The following PARD3B variants were observed in gnomAD, a reference collection of about 807,000 sequenced individuals.
PARD3B encodes par-3 family cell polarity regulator beta, also known as partitioning defective 3 homolog B.
Under a neutral mutation model 130.2 loss-of-function variants are expected in PARD3B, and 103 were observed. That is an observed-to-expected ratio of 0.79 (90% CI 0.67 to 0.93). PARD3B has a LOEUF of 0.93. PARD3B is among the 40% of genes least tolerant of loss of function. PARD3B has a pLI of 0.00. For synonymous variants in PARD3B, 583 were observed against 553.2 expected (o/e 1.05, Z -0.76); for missense variants, 1,609 against 1,499.2 (o/e 1.07, Z -1.21).
chr2:204,778,221 GT>G (rs1320785979), intron 2 of PARD3B, among the ~76,000 whole-genome samples: 3 of 151,478 alleles, frequency 2.0e-5, no homozygotes, highest in Non-Finnish European at 4.4e-5. Flanking sequence ...GAAATTCAGA[GT>G]TTTGCAAAAC....
At chr2:205,384,360 G>A (rs868755557) in intron 18 of PARD3B, among the ~76,000 whole-genome samples, 2 of 152,120 alleles carry the variant, frequency 1.3e-5, no homozygotes, top group Non-Finnish European at 2.9e-5. Flanking sequence ...AAAAGGGGAA[G>A]CACAGGCTGT....
intron 3 of PARD3B, among the ~76,000 whole-genome samples, chr2:204,980,564 GATT>G (rs1283753857): frequency 2.0e-5 from 3 of 152,168 alleles, no homozygotes; most frequent in African/African-American, 7.2e-5. Flanking sequence ...AAGTGATCAA[GATT>G]ATTATCTCCA....
chr2:205,499,589 G>T (rs1426717609), intron 20 of PARD3B, among the ~76,000 whole-genome samples: 1 of 152,146 alleles, frequency 6.6e-6, no homozygotes, highest in African/African-American at 2.4e-5. Flanking sequence ...CTCTGTGTGT[G>T]TGATTATAAG....
chr2:204,792,670 T>C (rs1323829924), intron 2 of PARD3B, among the ~76,000 whole-genome samples: 1 of 152,084 alleles, frequency 6.6e-6, no homozygotes, highest in Non-Finnish European at 1.5e-5. Flanking sequence ...CCACACCAAA[T>C]ACATGTACTT....
intron 20 of PARD3B, among the ~76,000 whole-genome samples, chr2:205,479,815 TATG>T (rs1431427346): frequency 1.3e-5 from 2 of 152,136 alleles, no homozygotes; most frequent in African/African-American, 4.8e-5. Context: ...GTAAAGCCCA[TATG>T]ATCTCAGTTT....
Position 205,382,961 on chromosome 2 carries a change from C to T in PARD3B, c.2631-18052C>T, listed in dbSNP as rs566947339. 5.3e-5 allele frequency among the ~76,000 whole-genome samples: 8 copies of T among 152,050 alleles called. No homozygotes were observed. In the East Asian group the frequency reaches 1.5e-3, roughly 29 times the overall value. ...TTCCCCGCCACAGCCCAGGAATGAA[C>T]CACTTCTCCGAGGAAGTCTGGCTCC... On this transcript the variant is annotated intron_variant, in intron 18 of 22. Coordinates refer to ENST00000406610, the MANE Select transcript of PARD3B (RefSeq NM_001302769.2).
intron 22 of PARD3B, among the ~76,000 whole-genome samples, chr2:205,566,225 T>C (rs142164047): frequency 4.0e-5 from 6 of 151,838 alleles, no homozygotes; most frequent in Non-Finnish European, 7.4e-5. Flanking sequence ...CTTTGCGGGG[T>C]TTTAAGCAGA....
chr2:205,477,154 T>C (rs151012312), intron 20 of PARD3B, among the ~76,000 whole-genome samples: 254 of 152,330 alleles, frequency 1.7e-3, no homozygotes, highest in African/African-American at 5.7e-3. Flanking sequence ...CGTTTCCTTT[T>C]GCACTTCAAC....
intron 18 of PARD3B, among the ~76,000 whole-genome samples, chr2:205,354,870 G>A (rs909538397): frequency 6.6e-6 from 1 of 152,104 alleles, no homozygotes; most frequent in Non-Finnish European, 1.5e-5. Context: ...TAATCTCCTG[G>A]GACAGAATGG....
chr2:204,948,891 C>CT (rs897324521), intron 2 of PARD3B, among the ~76,000 whole-genome samples: 1 of 151,940 alleles, frequency 6.6e-6, no homozygotes, highest in East Asian at 1.9e-4. Flanking sequence ...CTTCCCAAGT[C>CT]TTTTTTTTCC....
At chr2:204,685,834 G>A (rs1023188760) in intron 1 of PARD3B, among the ~76,000 whole-genome samples, 1 of 152,074 alleles carries the variant, frequency 6.6e-6, no homozygotes, top group Non-Finnish European at 1.5e-5. Flanking sequence ...GTTTCAGAAA[G>A]TACCCTCAAG....
chr2:205,158,098 G>A lies in PARD3B; in HGVS notation c.1435-624G>A, dbSNP rs887740533. Among the ~76,000 whole-genome samples, 1 of 152,128 alleles carries A rather than the reference G, an allele frequency of 6.6e-6. No individual in the cohort carries two copies. The highest frequency in any genetic ancestry group is 1.5e-5 in the Non-Finnish European group (1 of 68,038). ...GTGAGTTATACTACCTGAAGATGCA[G>A]GCTGAAAGCATGAGTTTTGACAAAG... On this transcript the variant is annotated intron_variant, in intron 10 of 22. Transcript: ENST00000406610. The surrounding 1 kb of genome is among the most constrained non-coding windows in gnomAD (Gnocchi z 5.4).
At chr2:205,383,121 T>TAGATAGAG (rs1553500396) in intron 18 of PARD3B, among the ~76,000 whole-genome samples, 11 of 150,744 alleles carry the variant, frequency 7.3e-5, no homozygotes, top group South Asian at 2.1e-4. Flanking sequence ...GATAGATAGA[T>TAGATAGAG]AGATAGATAG....
At chr2:204,663,019 T>C (rs2035881194) in intron 1 of PARD3B, among the ~76,000 whole-genome samples, 1 of 152,210 alleles carries the variant, frequency 6.6e-6, no homozygotes. Context: ...AGTGGGGCTA[T>C]GCTACCTTTC....
intron 18 of PARD3B, among the ~76,000 whole-genome samples, chr2:205,345,539 C>G (rs2105824681): frequency 6.6e-6 from 1 of 152,064 alleles, no homozygotes; most frequent in East Asian, 2.0e-4. Flanking sequence ...TTTGAGGTAG[C>G]ATGTCCTGAA....
At chr2:205,445,230 A>C (rs898567053) in intron 20 of PARD3B, among the ~76,000 whole-genome samples, 3 of 152,200 alleles carry the variant, frequency 2.0e-5, no homozygotes, top group African/African-American at 4.8e-5. Context: ...TGTGTTCTAC[A>C]GTCTTCTTTT....
intron 18 of PARD3B, among the ~76,000 whole-genome samples, chr2:205,365,505 C>T (rs2044572618): frequency 6.7e-6 from 1 of 150,288 alleles, no homozygotes; most frequent in South Asian, 2.1e-4. Context: ...CCCTTTCTCT[C>T]TGCCCTCCAA....
At position 205,575,560 on chromosome 2, in the gene PARD3B, A is replaced by G. The variant is rs1450249209; in HGVS notation, c.3260+22157A>G. ...CCACTCCACACCATTACCCCTAGCT[A>G]CTATTGATCTTTTTGCTGTCTTCAT... On this transcript the variant is annotated intron_variant, in intron 22 of 22. Coordinates refer to ENST00000406610, the MANE Select transcript of PARD3B (RefSeq NM_001302769.2). This position sits in a 1 kb window ranked among gnomAD's most constrained non-coding sequence, Gnocchi z 4.6. Among the ~76,000 whole-genome samples the G allele has an allele frequency of 1.3e-5, 2 of 152,022 alleles. No homozygotes were observed. The highest frequency in any genetic ancestry group is 2.9e-5 in the Non-Finnish European group (2 of 68,012).
chr2:205,138,742 G>C (rs990427290), intron 10 of PARD3B, among the ~76,000 whole-genome samples: 1 of 152,190 alleles, frequency 6.6e-6, no homozygotes, highest in South Asian at 2.1e-4. Flanking sequence ...TGGGCTGCAT[G>C]AATTCTCTTC....
Sources: gnomAD v4.1 joint callset for allele counts (sites outside exome capture counted in the v4.1 genomes callset) on GRCh38, gnomAD v4.1.1 for gene constraint, Gnocchi (gnomAD v3.1) non-coding constraint, MANE v1.5 for transcripts, NCBI Gene and HGNC (gene_info 2026-07-23, HGNC 2026-07-21) for gene names.